Variants in IMMP2L observed in about 807,000 individuals in gnomAD.
The protein encoded by IMMP2L is mitochondrial inner membrane protease subunit 2.
A neutral mutation model predicts 19.3 loss-of-function variants in IMMP2L; 18 were observed. The observed-to-expected ratio is 0.93, with a 90% confidence interval of 0.64 to 1.38. The LOEUF is 1.38. Among genes scored for constraint, IMMP2L ranks in the 40% most tolerant of loss-of-function variants. The pLI is 0.00. For missense variants in IMMP2L, 233 were observed against 218.2 expected, an observed-to-expected ratio of 1.07 and a Z score of -0.43; for synonymous variants, 76 against 73.0, an observed-to-expected ratio of 1.04 and a Z score of -0.21.
intron 1 of IMMP2L, among the ~76,000 whole-genome samples, chr7:111,538,153 C>T (rs1848062946): frequency 6.6e-6 from 1 of 152,104 alleles, no homozygotes; most frequent in Non-Finnish European, 1.5e-5. Flanking sequence ...GTTGTGAGTT[C>T]TGCGCGAGCA....
intron 3 of IMMP2L, among the ~76,000 whole-genome samples, chr7:111,273,608 G>C (rs568269912): frequency 1.3e-5 from 2 of 152,244 alleles, no homozygotes; most frequent in Non-Finnish European, 2.9e-5. Flanking sequence ...GTGCAATATT[G>C]TGAGATTCAG....
intron 4 of IMMP2L, among the ~76,000 whole-genome samples, chr7:110,943,370 A>G (rs916119370): frequency 3.9e-5 from 6 of 151,994 alleles, no homozygotes; most frequent in African/African-American, 1.4e-4. Flanking sequence ...TCTAAAAAAG[A>G]CTTTAGTAGA....
At chr7:110,979,560 G>A (rs893261417) in intron 3 of IMMP2L, among the ~76,000 whole-genome samples, 2 of 152,006 alleles carry the variant, frequency 1.3e-5, no homozygotes, top group African/African-American at 4.8e-5. Context: ...AATTCTATCA[G>A]TATTATTGGG....
In IMMP2L at chr7:110,924,120, C is replaced by T. The variant is rs922312351; in HGVS notation, c.306-37425G>A. Among the ~76,000 whole-genome samples, 2 of 152,148 alleles carry T rather than the reference C, an allele frequency of 1.3e-5. No individual in the cohort carries two copies. The highest frequency in any genetic ancestry group is 2.9e-5 in the Non-Finnish European group (2 of 68,022). Reference sequence around the variant, plus strand: ...GACTTCTACCTAAAATGCTCTTTTCCTCACTTTGTGATTTCACATAGAGCA... The same window carrying T: ...GACTTCTACCTAAAATGCTCTTTTCTTCACTTTGTGATTTCACATAGAGCA... On this transcript the variant is annotated intron_variant, in intron 4 of 5. Coordinates refer to ENST00000405709, the MANE Select transcript of IMMP2L (RefSeq NM_032549.4). This position sits in a 1 kb window ranked among gnomAD's most constrained non-coding sequence, Gnocchi z 4.2.
chr7:110,755,838 T>C (rs1798007486), intron 5 of IMMP2L, among the ~76,000 whole-genome samples: 2 of 151,986 alleles, frequency 1.3e-5, no homozygotes, highest in African/African-American at 2.4e-5. Context: ...ATGCAAAAGA[T>C]TTGGTTGAAT....
intron 3 of IMMP2L, among the ~76,000 whole-genome samples, chr7:111,021,392 G>A (rs556646587): frequency 2.0e-5 from 3 of 152,194 alleles, no homozygotes; most frequent in African/African-American, 4.8e-5. Flanking sequence ...CTTACTCACT[G>A]TATTAGTCTG....
intron 3 of IMMP2L, among the ~76,000 whole-genome samples, chr7:111,413,627 A>C (rs1463499982): frequency 1.3e-5 from 2 of 151,964 alleles, no homozygotes; most frequent in East Asian, 3.9e-4. Flanking sequence ...ATAGTTACAG[A>C]AAAGCATGTG....
At chr7:111,415,974 A>T (rs1190163073) in intron 3 of IMMP2L, among the ~76,000 whole-genome samples, 2 of 151,880 alleles carry the variant, frequency 1.3e-5, no homozygotes, top group African/African-American at 2.4e-5. Context: ...AGAGATTTGC[A>T]TAATTTTCCT....
intron 3 of IMMP2L, among the ~76,000 whole-genome samples, chr7:111,387,598 C>A (rs1016990600): frequency 6.6e-6 from 1 of 152,098 alleles, no homozygotes; most frequent in East Asian, 1.9e-4. Flanking sequence ...AGCATGTATG[C>A]CAGTGTTATT....
At chr7:111,327,500 T>C (rs1469136512) in intron 3 of IMMP2L, among the ~76,000 whole-genome samples, 1 of 151,656 alleles carries the variant, frequency 6.6e-6, no homozygotes, top group Non-Finnish European at 1.5e-5. Context: ...TAACCCACCA[T>C]TCATTCATCC....
chr7:111,149,833 T>C (rs1023242073), intron 3 of IMMP2L, among the ~76,000 whole-genome samples: 1 of 152,080 alleles, frequency 6.6e-6, no homozygotes, highest in Admixed American at 6.6e-5. Context: ...TATGAAAAAG[T>C]GGGAGAATCA....
intron 3 of IMMP2L, among the ~76,000 whole-genome samples, chr7:111,243,357 G>T (rs952332180): frequency 1.3e-5 from 2 of 152,024 alleles, no homozygotes; most frequent in Non-Finnish European, 2.9e-5. Flanking sequence ...AATGTACACA[G>T]TACTAGTAAA....
intron 3 of IMMP2L, among the ~76,000 whole-genome samples, chr7:111,049,199 C>T (rs370876156): frequency 7.0e-6 from 1 of 142,690 alleles, no homozygotes; most frequent in Admixed American, 7.2e-5. Context: ...GGCGTCATCT[C>T]GGCTCACTGC....
intron 3 of IMMP2L, among the ~76,000 whole-genome samples, chr7:111,375,515 G>C (rs1830605618): frequency 6.6e-6 from 1 of 151,756 alleles, no homozygotes; most frequent in African/African-American, 2.4e-5. Context: ...CAGATTTCCT[G>C]AGTTTGGTAA....
intron 3 of IMMP2L, among the ~76,000 whole-genome samples, chr7:111,476,900 TCCAGGATAACCTTTATTTTA>T (rs1841775775): frequency 6.6e-6 from 1 of 152,172 alleles, no homozygotes; most frequent in African/African-American, 2.4e-5. Flanking sequence ...ACATGGATAA[TCCAGGATAACCTTTATTTTA>T]AGGTCAACTG....
chr7:111,475,023 C>T (rs147720297), intron 3 of IMMP2L, among the ~76,000 whole-genome samples: 132 of 152,130 alleles, frequency 8.7e-4, no homozygotes, highest in Middle Eastern at 3.4e-3. Context: ...TCTAAAAGTA[C>T]AGAAAGCCAT....
At chr7:111,018,384 C>T (rs1354618936) in intron 3 of IMMP2L, among the ~76,000 whole-genome samples, 1 of 152,170 alleles carries the variant, frequency 6.6e-6, no homozygotes, top group South Asian at 2.1e-4. Context: ...GGATCCTTCA[C>T]TTACAAATAG....
chr7:111,542,819 T>C (rs2132985557), intron 1 of IMMP2L, among the ~76,000 whole-genome samples: 1 of 152,164 alleles, frequency 6.6e-6, no homozygotes, highest in African/African-American at 2.4e-5. Context: ...ATTATCAGGG[T>C]TGTCTTTAAA....
intron 4 of IMMP2L, among the ~76,000 whole-genome samples, chr7:110,913,278 C>A (rs541649311): frequency 1.3e-5 from 2 of 152,120 alleles, no homozygotes; most frequent in South Asian, 2.1e-4. Context: ...AGATTTGATG[C>A]GCATCAAGGG....
Sources: gnomAD v4.1 joint callset for allele counts (sites outside exome capture counted in the v4.1 genomes callset) on GRCh38, gnomAD v4.1.1 for gene constraint, Gnocchi (gnomAD v3.1) non-coding constraint, MANE v1.5 for transcripts, NCBI Gene and HGNC (gene_info 2026-07-23, HGNC 2026-07-21) for gene names.